ABCC3: variants seen among roughly 807,000 people sequenced by gnomAD.
ABCC3 encodes ATP-binding cassette sub-family C member 3.
Under a neutral mutation model 165.3 loss-of-function variants are expected in ABCC3, and 121 were observed. The observed-to-expected ratio is 0.73, with a 90% confidence interval of 0.63 to 0.85. The LOEUF (loss-of-function observed/expected upper bound fraction) is 0.85. Among genes scored for constraint, ABCC3 ranks in the 40% least tolerant of loss-of-function variants. The pLI is 0.00. For synonymous variants in ABCC3, 733 were observed against 810.1 expected (o/e 0.90, Z 1.62); for missense variants, 1,869 against 1,964.1 (o/e 0.95, Z 0.92).
At chr17:50,679,119 G>A (rs1470674687) in intron 25 of ABCC3, 5 of 152,268 alleles carry the variant, frequency 3.3e-5, no homozygotes, top group African/African-American at 9.7e-5. Flanking sequence ...GTACACAGAC[G>A]AGGTGACTGA....
Position 50,657,087 on chromosome 17 carries a change from CGTACA to C in ABCC3, c.393_397del (p.Gln132PhefsTer31). 1 of 1,614,162 alleles carries C rather than the reference CGTACA, an allele frequency of 6.2e-7. No individual in the cohort carries two copies. The highest frequency in any genetic ancestry group is 1.1e-5 in the South Asian group (1 of 91,078). On this transcript the variant is annotated frameshift_variant, in exon 4 of 31. Transcript: ENST00000285238. LOFTEE classifies it high-confidence loss of function. ...TGATACAGTATGAGCGGCTGCAGGG[CGTACA>C]GTCTTCGGGGGTCCTCATTATCTTC...
At chr17:50,659,503 C>T (rs1462087746) in intron 7 of ABCC3, 135 bp downstream of exon 7, 4 of 1,078,852 alleles carry the variant, frequency 3.7e-6, no homozygotes, top group Non-Finnish European at 5.2e-6. Flanking sequence ...TCTTGGCAGC[C>T]TCGGGACCAT....
intron 1 of ABCC3, among the ~76,000 whole-genome samples, chr17:50,653,650 G>A (rs2146601141): frequency 6.6e-6 from 1 of 152,200 alleles, no homozygotes; most frequent in African/African-American, 2.4e-5. Context: ...CTACTCAGGA[G>A]GCTGAGGCAG....
chr17:50,668,298 G>A lies in ABCC3; in HGVS notation c.1783-132G>A, dbSNP rs1052633262. ...GGGAGCCATGGAAGACTCAGTCGTG[G>A]GAGGGACCCCAGTGCTAGTGTCTGG... On this transcript the variant is annotated intron_variant, in intron 13 of 30. Coordinates refer to ENST00000285238, the MANE Select transcript of ABCC3 (RefSeq NM_003786.4). 3.6e-5 allele frequency: 27 copies of A among 748,786 alleles called. No individual in the cohort carries two copies. The Admixed American group carries it at 4.1e-4, about 11-fold the overall frequency. 46.4% of individuals were successfully genotyped at this position (748,786 alleles called of 1,614,324 possible). A position where few individuals can be genotyped will look rare whatever the true frequency, so the allele number is the denominator to read the frequency against.
chr17:50,678,365 AAG>A, intron 25 of ABCC3, 146 bp downstream of exon 25: 1 of 923,338 alleles, frequency 1.1e-6, no homozygotes, highest in Non-Finnish European at 1.5e-6. Context: ...AAAAAAAAAA[AAG>A]AAAAAAATCA....
At chr17:50,643,089 C>T (rs1229578620) in intron 1 of ABCC3, among the ~76,000 whole-genome samples, 1 of 152,250 alleles carries the variant, frequency 6.6e-6, no homozygotes, top group Non-Finnish European at 1.5e-5. Flanking sequence ...CCTCACTTAA[C>T]TGGCTGCCAG....
At chr17:50,668,123 T>A (rs1967566558) in intron 13 of ABCC3, 114 bp downstream of exon 13, 4 of 945,032 alleles carry the variant, frequency 4.2e-6, no homozygotes, top group African/African-American at 1.6e-5. Flanking sequence ...TCAGGGAAGG[T>A]TGCTAGCATT....
chr17:50,635,505 C>G (rs1431622441), intron 1 of ABCC3: 1 of 702,476 alleles, frequency 1.4e-6, no homozygotes, highest in Non-Finnish European at 2.6e-6. Context: ...AGGTTTCCTG[C>G]CACCTTCTTT....
At chr17:50,639,952 C>T (rs371312079) in intron 1 of ABCC3, among the ~76,000 whole-genome samples, 1 of 151,980 alleles carries the variant, frequency 6.6e-6, no homozygotes, top group Non-Finnish European at 1.5e-5. Context: ...TTAGTAGAGA[C>T]GGGGTTTCAC....
intron 1 of ABCC3, among the ~76,000 whole-genome samples, chr17:50,654,667 C>T (rs933644093): frequency 1.4e-4 from 22 of 152,290 alleles, no homozygotes; most frequent in Non-Finnish European, 2.8e-4. Context: ...TGGATGGTCA[C>T]CTCCATTTCA....
Position 50,663,955 on chromosome 17 carries a change from G to T in ABCC3, c.1182G>T (p.Leu394=). ...GIMGVIYRKA[L]VITNSVKRAS... ...CCACTACTGTCTACCTGCAGGCTCT[G>T]GTTATCACCAACTCAGTCAAACGTG... The change falls in exon 10 of 31, where the codon CTG becomes CTT. Residue 394 remains leucine (L), a synonymous_variant. Coordinates refer to ENST00000285238, the MANE Select transcript of ABCC3 (RefSeq NM_003786.4). The T allele has an allele frequency of 1.2e-6, 2 of 1,614,154 alleles. No individual in the cohort carries two copies. Among genetic ancestry groups the T allele is most frequent in the African/African-American group, 2.7e-5 (2 of 75,022 alleles).
In ABCC3 at chr17:50,691,278, T is replaced by C; in HGVS notation, c.*78T>C. The C allele has an allele frequency of 8.6e-7, 1 of 1,165,154 alleles. No individual in the cohort carries two copies. Among genetic ancestry groups the C allele is most frequent in the South Asian group, 1.3e-5 (1 of 78,454 alleles). 72.2% of individuals were successfully genotyped at this position (1,165,154 alleles called of 1,614,324 possible). On this transcript the variant is annotated 3_prime_UTR_variant, in exon 31 of 31. Transcript: ENST00000285238. ...AATGACACCAAATATGTCCGCAGAA[T>C]GGACTTGATAGCAAACACTGGGGGC...
rs34346931 is a variant in ABCC3, at chr17:50,663,996, A to G, written c.1223A>G (p.Glu408Gly). The stretch of plus-strand genomic sequence containing the variant: ...GTCAAACGTGCGTCCACTGTGGGGG[A>G]AATTGTCAACCTCATGTCAGTGGAT... ...NSVKRASTVG[E>G]IVNLMSVDAQ... The change falls in exon 10 of 31, where the codon GAA becomes GGA. Residue 408 changes from glutamate to glycine, a missense_variant. Coordinates refer to ENST00000285238, the MANE Select transcript of ABCC3 (RefSeq NM_003786.4). The G allele has an allele frequency of 1.8e-4, 290 of 1,614,020 alleles. No homozygotes were observed. In the African/African-American group the frequency reaches 3.5e-3, roughly 19 times the overall value.
intron 1 of ABCC3, among the ~76,000 whole-genome samples, chr17:50,655,534 A>G (rs544850618): frequency 2.0e-5 from 3 of 152,096 alleles, no homozygotes; most frequent in Non-Finnish European, 4.4e-5. Flanking sequence ...GCAGGTGTAT[A>G]CAACTGTCAA....
At chr17:50,649,923 T>C (rs184519804) in intron 1 of ABCC3, among the ~76,000 whole-genome samples, 1 of 152,296 alleles carries the variant, frequency 6.6e-6, no homozygotes, top group Admixed American at 6.5e-5. Flanking sequence ...TTTTCTTAAG[T>C]GATCAAAAAC....
At chr17:50,635,822 A>G (rs902038765) in intron 1 of ABCC3, 3 of 538,144 alleles carry the variant, frequency 5.6e-6, no homozygotes, top group East Asian at 3.1e-5. Context: ...GTTTTAGATT[A>G]CTGTGAGCTA....
Position 50,675,485 on chromosome 17 carries a change from C to T in ABCC3, c.2714+9C>T, listed in dbSNP as rs1451778040. 3.1e-6 allele frequency: 5 copies of T among 1,610,604 alleles called. No homozygotes were observed. Among genetic ancestry groups the T allele is most frequent in the Non-Finnish European group, 3.4e-6 (4 of 1,177,996 alleles). On this transcript the variant is annotated intron_variant, in intron 20 of 30. Coordinates refer to ENST00000285238, the MANE Select transcript of ABCC3 (RefSeq NM_003786.4). ...CAGAAGCAGTTTATGAGGTGAGTTCCTGAGAGCTCCCAGCCCTCCCGGAGG... is the reference window on the plus strand; with the variant it reads ...CAGAAGCAGTTTATGAGGTGAGTTCTTGAGAGCTCCCAGCCCTCCCGGAGG...
At chr17:50,635,353 A>G in intron 1 of ABCC3, 1 of 638,030 alleles carries the variant, frequency 1.6e-6, no homozygotes. Flanking sequence ...CGGGTTCCTG[A>G]TGGAGGGTCT....
rs542210732 is a variant in ABCC3, at chr17:50,662,938, G to A, written c.999-743G>A. On this transcript the variant is annotated intron_variant, in intron 8 of 30. Transcript: ENST00000285238. ...TTCCAGCAGAGGTGGCCAGGGTGAA[G>A]CTCAGCGGCAAAGGGGGCAACAGCG... Among the ~76,000 whole-genome samples the A allele has an allele frequency of 3.6e-4, 54 of 151,818 alleles. No individual in the cohort carries two copies. The East Asian group carries it at 1.0e-2, about 28-fold the overall frequency.
Sources: allele counts gnomAD v4.1 joint callset (sites outside exome capture counted in the v4.1 genomes callset), GRCh38; gene constraint gnomAD v4.1.1; transcripts MANE v1.5; gene names NCBI Gene and HGNC (gene_info 2026-07-23, HGNC 2026-07-21).